Variants in SLIT2 observed in about 807,000 individuals in gnomAD.
The protein encoded by SLIT2 is slit homolog 2 protein.
In SLIT2, 41 loss-of-function variants were observed where a neutral mutation model predicts 185.7. The observed-to-expected ratio is 0.22, with a 90% CI of 0.17 to 0.29. The LOEUF is 0.29. Among genes scored for constraint, SLIT2 ranks in the 10% least tolerant of loss-of-function variants. The probability of loss-of-function intolerance (pLI) is 1.00; values close to 1 mark genes in which losing one functional copy is unlikely to be tolerated. For synonymous variants in SLIT2, 693 were observed against 680.2 expected (o/e 1.02, Z -0.29); for missense variants, 1,571 against 1,909.0 (o/e 0.82, Z 3.30).
In SLIT2 at chr4:20,293,928, CT is replaced by C. The variant is rs568979024; in HGVS notation, c.395+25059del. 3.2e-3 allele frequency among the ~76,000 whole-genome samples: 470 copies of C among 146,256 alleles called. 1 individual carries two copies. The highest frequency in any genetic ancestry group is 7.5e-3 in the African/African-American group (300 of 40,252). On this transcript the variant is annotated intron_variant, in intron 4 of 36. Coordinates refer to ENST00000504154, the MANE Select transcript of SLIT2 (RefSeq NM_004787.4). ...GTCCACGGACACCAATCCTTTTTTA[CT>C]TTTTTTTTTTTCTACCATTTCATGG...
Position 20,620,231 on chromosome 4 carries a change from G to A in SLIT2, c.*1222G>A. 1 of 324,554 alleles carries A rather than the reference G, an allele frequency of 3.1e-6. No individual in the cohort carries two copies. Among genetic ancestry groups the A allele is most frequent in the Non-Finnish European group, 5.9e-6 (1 of 168,848 alleles). 20.1% of individuals were successfully genotyped at this position (324,554 alleles called of 1,614,324 possible). A position where few individuals can be genotyped will look rare whatever the true frequency, so the allele number is the denominator to read the frequency against. On this transcript the variant is annotated 3_prime_UTR_variant, in exon 37 of 37. Transcript: ENST00000504154. Reference sequence around the variant, plus strand: ...ACCTTTTTTGCCCTTTTGTGGGGGTGAGGTGGGGATAAAAAGACTGTCATA... The same window carrying A: ...ACCTTTTTTGCCCTTTTGTGGGGGTAAGGTGGGGATAAAAAGACTGTCATA...
At chr4:20,394,534 A>C (rs756661171) in intron 4 of SLIT2, 4 of 151,874 alleles carry the variant, frequency 2.6e-5, no homozygotes, top group Admixed American at 1.3e-4. Context: ...AATAGGAGAC[A>C]ACTCTGCACT....
intron 34 of SLIT2, among the ~76,000 whole-genome samples, chr4:20,611,628 C>T (rs1477369151): frequency 6.6e-6 from 1 of 152,180 alleles, no homozygotes; most frequent in Non-Finnish European, 1.5e-5. Context: ...TGCCAGCACT[C>T]CAGTTTACAG....
chr4:20,591,033 A>AT (rs1295299997), intron 30 of SLIT2, among the ~76,000 whole-genome samples: 1 of 152,220 alleles, frequency 6.6e-6, no homozygotes, highest in Non-Finnish European at 1.5e-5. Context: ...CTGTGCTTTC[A>AT]TCAGACAGCT....
chr4:20,597,842 A>C (rs1245558917), intron 32 of SLIT2, among the ~76,000 whole-genome samples: 1 of 152,206 alleles, frequency 6.6e-6, no homozygotes, highest in African/African-American at 2.4e-5. Flanking sequence ...AGCAGGATAA[A>C]AACAAAGATT....
intron 5 of SLIT2, among the ~76,000 whole-genome samples, chr4:20,472,436 A>C (rs570665404): frequency 1.4e-5 from 1 of 71,012 alleles, no homozygotes. Context: ...AGATATCTAT[A>C]GATATATATC....
At chr4:20,279,194 G>A (rs1276094897) in intron 4 of SLIT2, among the ~76,000 whole-genome samples, 3 of 152,044 alleles carry the variant, frequency 2.0e-5, no homozygotes, top group Non-Finnish European at 2.9e-5. Flanking sequence ...ATAAAATATC[G>A]AGAAATACTC....
At chr4:20,374,444 T>C (rs1283540542) in intron 4 of SLIT2, among the ~76,000 whole-genome samples, 1 of 152,124 alleles carries the variant, frequency 6.6e-6, no homozygotes, top group Admixed American at 6.6e-5. Context: ...ATCTAGATTG[T>C]CATTTCTGTT....
intron 30 of SLIT2, among the ~76,000 whole-genome samples, chr4:20,593,808 A>G (rs938776252): frequency 1.3e-5 from 2 of 152,072 alleles, no homozygotes; most frequent in African/African-American, 4.8e-5. Flanking sequence ...TTGATAACAT[A>G]CAATTAAGAA....
At chr4:20,615,109 C>T (rs1368157485) in intron 34 of SLIT2, 1 of 152,100 alleles carries the variant, frequency 6.6e-6, no homozygotes, top group East Asian at 1.9e-4. Flanking sequence ...GGAAGAAGTT[C>T]ATTTTTAACC....
chr4:20,345,346 A>G (rs528134037), intron 4 of SLIT2, among the ~76,000 whole-genome samples: 2 of 152,248 alleles, frequency 1.3e-5, no homozygotes, highest in East Asian at 1.9e-4. Context: ...TTGTGCCTCA[A>G]TTAGAGCACA....
intron 4 of SLIT2, among the ~76,000 whole-genome samples, chr4:20,284,411 T>C (rs149026092): frequency 1.3e-3 from 191 of 152,278 alleles, no homozygotes; most frequent in African/African-American, 4.4e-3. Flanking sequence ...GACATACATA[T>C]GCCTCTCCCT....
At chr4:20,589,491 C>A (rs1472707163) in intron 29 of SLIT2, among the ~76,000 whole-genome samples, 153 bp from the exon 30 acceptor site, 3 of 152,172 alleles carry the variant, frequency 2.0e-5, no homozygotes, top group Non-Finnish European at 4.4e-5. Flanking sequence ...CACCTGGTTC[C>A]ATGCCTTGTG....
At chr4:20,441,689 A>T (rs2148701007) in intron 4 of SLIT2, among the ~76,000 whole-genome samples, 1 of 152,208 alleles carries the variant, frequency 6.6e-6, no homozygotes, top group Non-Finnish European at 1.5e-5. Context: ...TTTGCTCGGA[A>T]ACAGTCACTT....
At position 20,369,372 on chromosome 4, in the gene SLIT2, G is replaced by A. The variant is rs1034256813; in HGVS notation, c.396-98380G>A. Among the ~76,000 whole-genome samples, 4 of 152,066 alleles carry A rather than the reference G, an allele frequency of 2.6e-5. No homozygotes were observed. The South Asian group carries it at 6.2e-4, about 24-fold the overall frequency. ...TTTTGAGATTTCCATAGCAGGGGTC[G>A]GTAAACTACAGCATACAAGGAAAAC... On this transcript the variant is annotated intron_variant, in intron 4 of 36. Transcript: ENST00000504154.
chr4:20,511,148 A>C lies in SLIT2; in HGVS notation c.1058+11A>C. 13 of 1,543,440 alleles carry C rather than the reference A, an allele frequency of 8.4e-6. No homozygotes were observed. Among genetic ancestry groups the C allele is most frequent in the Non-Finnish European group, 1.2e-5 (13 of 1,120,520 alleles). ...CTCTCTGAATTCACTGTAAGTATTC[A>C]CTGTGTCACTGAAGGAAAAGAGAAG... On this transcript the variant is annotated intron_variant, in intron 11 of 36. Transcript: ENST00000504154.
Position 20,550,692 on chromosome 4 carries a change from A to C in SLIT2, c.2490-135A>C. The C allele has an allele frequency of 8.3e-6, 4 of 482,304 alleles. No homozygotes were observed. The South Asian group carries it at 1.2e-4, about 15-fold the overall frequency. 29.9% of individuals were successfully genotyped at this position (482,304 alleles called of 1,614,324 possible). On this transcript the variant is annotated intron_variant, in intron 24 of 36. Transcript: ENST00000504154. ...GCTTTCTCAGGTATCCAGTTGTACCAAAACTGTTTATTTTATAGACCGTCT... is the reference window on the plus strand; with the variant it reads ...GCTTTCTCAGGTATCCAGTTGTACCCAAACTGTTTATTTTATAGACCGTCT...
intron 4 of SLIT2, among the ~76,000 whole-genome samples, chr4:20,319,486 G>A (rs971469783): frequency 1.3e-5 from 2 of 151,860 alleles, no homozygotes; most frequent in Non-Finnish European, 2.9e-5. Context: ...AGAAAATGAT[G>A]GATGCATCAT....
At position 20,294,449 on chromosome 4, in the gene SLIT2, A is replaced by C. The variant is rs1716274399; in HGVS notation, c.395+25568A>C. ...AAGGTCTCAGCCTCCACTGTGTATC[A>C]TGTTTCATACACGGAAGATTATATC... On this transcript the variant is annotated intron_variant, in intron 4 of 36. Coordinates refer to ENST00000504154, the MANE Select transcript of SLIT2 (RefSeq NM_004787.4). Among the ~76,000 whole-genome samples the C allele has an allele frequency of 3.3e-5, 5 of 152,316 alleles. No homozygotes were observed. In the South Asian group the frequency reaches 1.0e-3, roughly 32 times the overall value.
Sources: allele counts gnomAD v4.1 joint callset (sites outside exome capture counted in the v4.1 genomes callset), GRCh38; gene constraint gnomAD v4.1.1; transcripts MANE v1.5; gene names NCBI Gene and HGNC (gene_info 2026-07-23, HGNC 2026-07-21).